Variants in RIMS1 observed in about 807,000 individuals in gnomAD.
The protein encoded by RIMS1 is regulating synaptic membrane exocytosis protein 1.
In RIMS1, 83 loss-of-function variants were observed where a neutral mutation model predicts 214.1. The ratio of observed to expected loss-of-function variants is 0.39; its 90% CI spans 0.32 to 0.47. The LOEUF (loss-of-function observed/expected upper bound fraction) is 0.47. Ranked by LOEUF, RIMS1 falls within the 20% of genes least tolerant of loss-of-function variation. The probability of loss-of-function intolerance (pLI) is 0.99; values close to 1 mark genes in which losing one functional copy is unlikely to be tolerated. For missense variants in RIMS1, 2,050 were observed against 2,161.8 expected, an observed-to-expected ratio of 0.95 and a Z score of 1.03; for synonymous variants, 793 against 786.8, an observed-to-expected ratio of 1.01 and a Z score of -0.13.
chr6:72,346,170 A>G (rs551839152), intron 29 of RIMS1, among the ~76,000 whole-genome samples: 1 of 151,934 alleles, frequency 6.6e-6, no homozygotes, highest in East Asian at 1.9e-4. Context: ...TTAGCAAAGT[A>G]CCTGACAAGG....
chr6:71,893,639 T>G (rs192163730), intron 1 of RIMS1, among the ~76,000 whole-genome samples: 1 of 152,360 alleles, frequency 6.6e-6, no homozygotes, highest in East Asian at 1.9e-4. Context: ...TAAGAACTTT[T>G]TAAGATTCTT....
intron 4 of RIMS1, among the ~76,000 whole-genome samples, chr6:72,145,410 C>T: frequency 6.6e-6 from 1 of 152,072 alleles, no homozygotes; most frequent in Non-Finnish European, 1.5e-5. Context: ...GCCAACAGAT[C>T]AAGTCCACCT....
intron 6 of RIMS1, among the ~76,000 whole-genome samples, chr6:72,183,460 T>A (rs558608553): frequency 6.6e-6 from 1 of 152,258 alleles, no homozygotes; most frequent in Admixed American, 6.5e-5. Flanking sequence ...GGATTTATTA[T>A]TCTGTGAAAA....
intron 2 of RIMS1, among the ~76,000 whole-genome samples, chr6:72,080,024 G>T (rs888305995): frequency 9.3e-5 from 13 of 139,814 alleles, no homozygotes; most frequent in African/African-American, 2.9e-4. Flanking sequence ...ATCACTTGAG[G>T]TCAGGAGTTC....
chr6:72,318,392 A>C (rs2154305883), intron 28 of RIMS1, among the ~76,000 whole-genome samples: 1 of 152,142 alleles, frequency 6.6e-6, no homozygotes, highest in South Asian at 2.1e-4. Context: ...CAAGTATATA[A>C]ATTTTGTTAA....
intron 22 of RIMS1, among the ~76,000 whole-genome samples, chr6:72,269,545 A>T (rs1338739393): frequency 6.6e-6 from 1 of 151,996 alleles, no homozygotes; most frequent in Non-Finnish European, 1.5e-5. Context: ...CATTATCCCC[A>T]CTTCAGTCCC....
rs2044966019 is a variant in RIMS1, at chr6:72,159,433, C to A, written c.472-20142C>A. ...TCAATTTTGGCTTTTGTTGCCATTG[C>A]TTTTGGTGTTTTAGACATGAAGTCC... On this transcript the variant is annotated intron_variant, in intron 4 of 33. Transcript: ENST00000521978. Among the ~76,000 whole-genome samples the A allele has an allele frequency of 2.1e-5, 3 of 140,820 alleles. 1 individual carries two copies. Among genetic ancestry groups the A allele is most frequent in the Non-Finnish European group, 4.8e-5 (3 of 62,016 alleles). 92.4% of individuals were successfully genotyped at this position (140,820 alleles called of 152,430 possible). A position where few individuals can be genotyped will look rare whatever the true frequency, so the allele number is the denominator to read the frequency against.
intron 4 of RIMS1, among the ~76,000 whole-genome samples, chr6:72,157,463 C>A (rs1422556522): frequency 7.1e-6 from 1 of 140,102 alleles, no homozygotes; most frequent in Non-Finnish European, 1.6e-5. Context: ...GTTGTTACTG[C>A]ATATGAAATC....
rs527531955 is a variant in RIMS1 at position 72,162,792 on chromosome 6, C to T, written c.472-16783C>T. On this transcript the variant is annotated intron_variant, in intron 4 of 33. Transcript: ENST00000521978. ...TGATGGGCTTCCCTTTGTGGGTAAC[C>T]TGACCTTTCTCTCTGGCTGCCCTTA... is the stretch of plus-strand genomic sequence containing the variant. Among the ~76,000 whole-genome samples the T allele has an allele frequency of 2.4e-3, 337 of 140,500 alleles. 28 individuals carry two copies. The highest frequency in any genetic ancestry group is 7.3e-3 in the African/African-American group (296 of 40,722). 92.2% of individuals were successfully genotyped at this position (140,500 alleles called of 152,430 possible). A position where few individuals can be genotyped will look rare whatever the true frequency, so the allele number is the denominator to read the frequency against.
In RIMS1 at chr6:71,886,914, C is replaced by G. The variant is rs1029689039; in HGVS notation, c.-110C>G. On this transcript the variant is annotated 5_prime_UTR_variant, in exon 1 of 34. Transcript: ENST00000521978. The stretch of plus-strand genomic sequence containing the variant: ...CCGCCGCCGCTGCTCCTCCTCCTGC[C>G]GCCGCCGCTAGGGCTCCGCTGTGAG... The G allele has an allele frequency of 1.5e-6, 2 of 1,318,166 alleles. No individual in the cohort carries two copies. Among genetic ancestry groups the G allele is most frequent in the East Asian group, 2.4e-5 (1 of 41,598 alleles). 81.7% of individuals were successfully genotyped at this position (1,318,166 alleles called of 1,614,324 possible). A position where few individuals can be genotyped will look rare whatever the true frequency, so the allele number is the denominator to read the frequency against.
intron 2 of RIMS1, among the ~76,000 whole-genome samples, chr6:72,006,796 G>A (rs897950630): frequency 2.0e-5 from 3 of 152,220 alleles, no homozygotes; most frequent in Admixed American, 6.5e-5. Context: ...TGCCATTGCT[G>A]AGGTTTGAGT....
At chr6:72,370,381 T>G (rs901105207) in intron 29 of RIMS1, among the ~76,000 whole-genome samples, 1 of 152,214 alleles carries the variant, frequency 6.6e-6, no homozygotes, top group Non-Finnish European at 1.5e-5. Context: ...TCGGGACCTT[T>G]GCCCCCACAG....
chr6:72,100,939 T>G (rs545420638), intron 4 of RIMS1, among the ~76,000 whole-genome samples: 4 of 152,080 alleles, frequency 2.6e-5, no homozygotes, highest in African/African-American at 7.2e-5. Context: ...AGTTGAAAAA[T>G]TATATAGGAT....
At chr6:72,055,729 A>T (rs1480847300) in intron 2 of RIMS1, among the ~76,000 whole-genome samples, 1 of 152,178 alleles carries the variant, frequency 6.6e-6, no homozygotes, top group Non-Finnish European at 1.5e-5. Flanking sequence ...ATCTCACTTC[A>T]GTCGAATGGC....
intron 2 of RIMS1, among the ~76,000 whole-genome samples, chr6:72,038,118 AATATAT>A (rs70994111): frequency 0.02 from 265 of 13,294 alleles, 3 homozygotes; most frequent in Middle Eastern, 0.062. Context: ...AAAAAAAAAA[AATATAT>A]ATATATATAT....
intron 6 of RIMS1, among the ~76,000 whole-genome samples, chr6:72,210,727 C>A (rs1276658241): frequency 6.6e-6 from 1 of 152,194 alleles, no homozygotes; most frequent in Non-Finnish European, 1.5e-5. Context: ...TTGCCACTGA[C>A]TTGATATGTC....
chr6:72,161,368 T>G lies in RIMS1; in HGVS notation c.472-18207T>G, dbSNP rs1460236720. ...GGATTCATTGATTTTTTTGAAGGGCTTTTTGTGTCTCTGTGTCCTTCAGTT... is the reference window on the plus strand; with the variant it reads ...GGATTCATTGATTTTTTTGAAGGGCGTTTTGTGTCTCTGTGTCCTTCAGTT... On this transcript the variant is annotated intron_variant, in intron 4 of 33. Coordinates refer to ENST00000521978, the MANE Select transcript of RIMS1 (RefSeq NM_014989.7). Among the ~76,000 whole-genome samples, 5 of 140,446 alleles carry G rather than the reference T, an allele frequency of 3.6e-5. 1 individual carries two copies. Among genetic ancestry groups the G allele is most frequent in the Non-Finnish European group, 8.1e-5 (5 of 61,858 alleles). The allele number at this position is 140,446 out of a possible 152,430, so 92.1% of individuals were successfully genotyped here.
chr6:72,227,062 CA>C (rs1289339369), intron 6 of RIMS1, among the ~76,000 whole-genome samples: 1 of 151,948 alleles, frequency 6.6e-6, no homozygotes, highest in Non-Finnish European at 1.5e-5. Context: ...TAGGATTAGT[CA>C]CAAGTCTCCA....
At chr6:72,270,408 C>T (rs1261465917) in intron 22 of RIMS1, among the ~76,000 whole-genome samples, 1 of 152,026 alleles carries the variant, frequency 6.6e-6, no homozygotes, top group African/African-American at 2.4e-5. Flanking sequence ...GGATAATATC[C>T]TATTTCTCTT....
Sources: allele counts gnomAD v4.1 joint callset (sites outside exome capture counted in the v4.1 genomes callset), GRCh38; gene constraint gnomAD v4.1.1; transcripts MANE v1.5; gene names NCBI Gene and HGNC (gene_info 2026-07-23, HGNC 2026-07-21).